GOLGA3: variants seen among roughly 807,000 people sequenced by gnomAD.
GOLGA3 encodes golgin A3.
In GOLGA3, 75 loss-of-function variants were observed where a neutral mutation model predicts 169.4. The ratio of observed to expected loss-of-function variants is 0.44; its 90% CI spans 0.37 to 0.54. The LOEUF is 0.54. GOLGA3 is among the 20% of genes least tolerant of loss of function. The probability of loss-of-function intolerance (pLI) is 0.00; values close to 1 mark genes in which losing one functional copy is unlikely to be tolerated. For synonymous variants in GOLGA3, 824 were observed against 822.4 expected, an observed-to-expected ratio of 1.00 and a Z score of -0.03; for missense variants, 1,899 against 1,930.0, an observed-to-expected ratio of 0.98 and a Z score of 0.30.
chr12:132,785,098 A>C lies in GOLGA3; in HGVS notation c.3124-791T>G, dbSNP rs1364629322. Among the ~76,000 whole-genome samples, 3 of 152,322 alleles carry C rather than the reference A, an allele frequency of 2.0e-5. No individual in the cohort carries two copies. The East Asian group carries it at 5.8e-4, about 29-fold the overall frequency. ...ATCAAAAAGGTGAGAAATTTGCCAAAAGTCACCACTTGCGAGGGGTGAAGC... is the reference window on the plus strand; with the variant it reads ...ATCAAAAAGGTGAGAAATTTGCCAACAGTCACCACTTGCGAGGGGTGAAGC... On this transcript the variant is annotated intron_variant, in intron 15 of 23. Transcript: ENST00000450791.
chr12:132,787,583 CTCCCCAGAACCCCTGGGACCCT>C (rs1466996758), intron 13 of GOLGA3, among the ~76,000 whole-genome samples: 2,286 of 137,068 alleles, frequency 0.017, 212 homozygotes, highest in Non-Finnish European at 0.025. Context: ...CCCGGGACCC[CTCCCCAGAACCCCTGGGACCCT>C]TCCCCGGAGA....
chr12:132,824,088 AC>A (rs1312131393), intron 1 of GOLGA3, among the ~76,000 whole-genome samples: 1 of 152,202 alleles, frequency 6.6e-6, no homozygotes. Flanking sequence ...ATCTCAAAAA[AC>A]AAAAAACAAC....
In GOLGA3 at chr12:132,795,116, G is replaced by A. The variant is rs576797681; in HGVS notation, c.2469+736C>T. 2.0e-5 allele frequency among the ~76,000 whole-genome samples: 3 copies of A among 151,804 alleles called. No homozygotes were observed. The East Asian group carries it at 5.8e-4, about 29-fold the overall frequency. On this transcript the variant is annotated intron_variant, in intron 11 of 23. Coordinates refer to ENST00000450791, the MANE Select transcript of GOLGA3 (RefSeq NM_001389683.1). ...GCAGGAGAATCACTTGAACCCCGGA[G>A]GCAGAGGTTGCAGTGAGCCGAGATC...
intron 9 of GOLGA3, among the ~76,000 whole-genome samples, chr12:132,797,805 C>T (rs1948927754): frequency 6.6e-6 from 1 of 152,154 alleles, no homozygotes. Context: ...GCATTTCTGT[C>T]CTCTGGAGAT....
intron 8 of GOLGA3, among the ~76,000 whole-genome samples, chr12:132,800,074 C>T (rs934106462): frequency 6.6e-6 from 1 of 152,164 alleles, no homozygotes; most frequent in African/African-American, 2.4e-5. Context: ...CTGGCTTGGC[C>T]TACGTCTTTA....
chr12:132,799,711 G>A (rs1029902076), intron 8 of GOLGA3, among the ~76,000 whole-genome samples: 1 of 151,016 alleles, frequency 6.6e-6, no homozygotes, highest in African/African-American at 2.4e-5. Flanking sequence ...TGTTGTCCAG[G>A]CTACACCACC....
chr12:132,825,209 A>G (rs975133422), intron 1 of GOLGA3, among the ~76,000 whole-genome samples: 1 of 151,480 alleles, frequency 6.6e-6, no homozygotes, highest in African/African-American at 2.4e-5. Context: ...ACGCGTGCAG[A>G]CCCTCCTGGC....
chr12:132,812,788 C>A (rs139108840), intron 4 of GOLGA3, among the ~76,000 whole-genome samples: 3 of 152,180 alleles, frequency 2.0e-5, no homozygotes, highest in African/African-American at 4.8e-5. Context: ...AACTTTAGTG[C>A]GGTTTTAAGA....
chr12:132,797,005 G>A (rs1294144646), intron 9 of GOLGA3, among the ~76,000 whole-genome samples: 1 of 152,250 alleles, frequency 6.6e-6, no homozygotes. Context: ...GTGAGACCCG[G>A]ACATGCTCTC....
intron 7 of GOLGA3, 21 bp from the exon 8 acceptor site, chr12:132,801,990 C>T (rs770188364): frequency 1.0e-5 from 16 of 1,583,274 alleles, no homozygotes; most frequent in African/African-American, 4.0e-5. Context: ...GCAAGCACAG[C>T]GGCTCAGGCC....
rs545705733 is a variant in GOLGA3 at position 132,786,634 on chromosome 12, C to G, written c.2906+59G>C. The G allele has an allele frequency of 2.2e-4, 239 of 1,067,982 alleles. 1 individual carries two copies. In the Middle Eastern group the frequency reaches 2.4e-3, roughly 11 times the overall value. The allele number at this position is 1,067,982 out of a possible 1,614,324, so 66.2% of individuals were successfully genotyped here. A position where few individuals can be genotyped will look rare whatever the true frequency, so the allele number is the denominator to read the frequency against. ...GTCTGGCATTCTGGTTCGCCTCCCC[C>G]CCGGCCCCCGCACCTCCCACCTGGC... On this transcript the variant is annotated intron_variant, in intron 14 of 23. Coordinates refer to ENST00000450791, the MANE Select transcript of GOLGA3 (RefSeq NM_001389683.1).
rs1566088332 is a variant in GOLGA3, at chr12:132,787,821, ACCCCTCCCCGGAGACCC to A, written c.2812-1051_2812-1035del. Among the ~76,000 whole-genome samples, 119 of 55,778 alleles carry A rather than the reference ACCCCTCCCCGGAGACCC, an allele frequency of 2.1e-3. 31 individuals are homozygous for A. Among genetic ancestry groups the A allele is most frequent in the Admixed American group, 0.012 (77 of 6,282 alleles). The allele number at this position is 55,778 out of a possible 152,430, so 36.6% of individuals were successfully genotyped here. A position where few individuals can be genotyped will look rare whatever the true frequency, so the allele number is the denominator to read the frequency against. ...GGGACCCCTCCCCGGAGACCCCGGG[ACCCCTCCCCGGAGACCC>A]CGGGACCCCTCCCCGGAGACCCCGG... On this transcript the variant is annotated intron_variant, in intron 13 of 23. Coordinates refer to ENST00000450791, the MANE Select transcript of GOLGA3 (RefSeq NM_001389683.1).
chr12:132,789,927 C>G (rs550204583), intron 12 of GOLGA3, among the ~76,000 whole-genome samples: 6 of 151,830 alleles, frequency 4.0e-5, no homozygotes, highest in African/African-American at 1.5e-4. Flanking sequence ...CAGCTACTCA[C>G]GAGGCTGAGG....
rs1949271278 is a variant in GOLGA3, at chr12:132,804,236, G to C, written c.1597+480C>G. Among the ~76,000 whole-genome samples the C allele has an allele frequency of 6.6e-6, 1 of 152,190 alleles. No homozygotes were observed. Among genetic ancestry groups the C allele is most frequent in the Admixed American group, 6.5e-5 (1 of 15,280 alleles). ...TTCTTGAATATTTTAAATGGAATCT[G>C]CAATTCTGTGGAATAAGTGGGCAGC... is the stretch of plus-strand genomic sequence containing the variant. On this transcript the variant is annotated intron_variant, in intron 7 of 23. Coordinates refer to ENST00000450791, the MANE Select transcript of GOLGA3 (RefSeq NM_001389683.1). This position sits in a 1 kb window ranked among gnomAD's most constrained non-coding sequence, Gnocchi z 4.1.
intron 11 of GOLGA3, among the ~76,000 whole-genome samples, chr12:132,792,937 T>C (rs866148376): frequency 4.4e-3 from 391 of 88,856 alleles, no homozygotes; most frequent in African/African-American, 6.1e-3. Context: ...CCACGGGACC[T>C]GCACTCGGAG....
At position 132,775,194 on chromosome 12, in the gene GOLGA3, G is replaced by A. The variant is rs1377466298; in HGVS notation, c.4090C>T (p.Leu1364Phe). 6.2e-7 allele frequency: 1 copy of A among 1,614,208 alleles called. No homozygotes were observed. The highest frequency in any genetic ancestry group is 1.7e-5 in the Admixed American group (1 of 60,030). ...SELKNNMKTL[L>F]QQNQQLKLDL... ...AGCTTGAGCTGCTGGTTCTGCTGGA[G>A]CAGGGTCTTCATGTTGTTCTTCAGC... The change falls in exon 22 of 24, where the codon CTC becomes TTC. Residue 1364 changes from leucine to phenylalanine, a missense_variant. Leu to Phe is a conservative substitution (Grantham distance 22). Transcript: ENST00000450791.
Position 132,777,917 on chromosome 12 carries a change from G to A in GOLGA3, c.3583-112C>T, listed in dbSNP as rs777345239. 367 of 1,190,588 alleles carry A rather than the reference G, an allele frequency of 3.1e-4. 1 individual carries two copies. The highest frequency in any genetic ancestry group is 3.7e-4 in the Non-Finnish European group (321 of 857,858). 73.8% of individuals were successfully genotyped at this position (1,190,588 alleles called of 1,614,324 possible). ...CGGCCCCGTGCATGTCCTGGCTGCC[G>A]GCGTGTGCTTCTCCACAGGCCTGTC... On this transcript the variant is annotated intron_variant, in intron 18 of 23. Coordinates refer to ENST00000450791, the MANE Select transcript of GOLGA3 (RefSeq NM_001389683.1). The surrounding 1 kb of genome is among the most constrained non-coding windows in gnomAD (Gnocchi z 4.7).
At position 132,776,956 on chromosome 12, in the gene GOLGA3, A is replaced by ACCTC. The variant is rs754482494; in HGVS notation, c.3853_3855+1dup. ...GCAAGTCCAGCCCCCGTGAACCGTCACCTCTTGGTTTCCCACGGGCTGTTT... is the reference window on the plus strand; with the variant it reads ...GCAAGTCCAGCCCCCGTGAACCGTCACCTCCCTCTTGGTTTCCCACGGGCTGTTT... On this transcript the variant is annotated splice_donor_variant, in intron 20 of 23. Coordinates refer to ENST00000450791, the MANE Select transcript of GOLGA3 (RefSeq NM_001389683.1). LOFTEE classifies it high-confidence loss of function. 1.9e-6 allele frequency: 3 copies of ACCTC among 1,580,564 alleles called. No homozygotes were observed. The highest frequency in any genetic ancestry group is 2.6e-6 in the Non-Finnish European group (3 of 1,163,570).
At chr12:132,821,388 C>A (rs1950205961) in intron 2 of GOLGA3, among the ~76,000 whole-genome samples, 1 of 143,350 alleles carries the variant, frequency 7.0e-6, no homozygotes, top group Non-Finnish European at 1.5e-5. Flanking sequence ...GCCCGGGCAC[C>A]CAGAGCAAAA....
Sources: allele counts gnomAD v4.1 joint callset (sites outside exome capture counted in the v4.1 genomes callset), GRCh38; gene constraint gnomAD v4.1.1; non-coding constraint Gnocchi (gnomAD v3.1); transcripts MANE v1.5; gene names NCBI Gene and HGNC (gene_info 2026-07-23, HGNC 2026-07-21).